Variants in RGS6 observed in about 807,000 individuals in gnomAD.
RGS6 encodes the protein regulator of G protein signaling 6.
A neutral mutation model predicts 78.5 loss-of-function variants in RGS6; 30 were observed. That is an observed-to-expected ratio of 0.38 (90% CI 0.29 to 0.52). The LOEUF (loss-of-function observed/expected upper bound fraction) is 0.52, where lower values mean the gene tolerates loss of function less well. RGS6 is among the 20% of genes least tolerant of loss of function. The pLI is 0.85. For synonymous variants in RGS6, 206 were observed against 206.0 expected (o/e 1.00, Z 0.00); for missense variants, 495 against 609.7 (o/e 0.81, Z 1.98).
chr14:72,582,944 GT>G, the RGS6 span, among the ~76,000 whole-genome samples: 1 of 105,242 alleles, frequency 9.5e-6, no homozygotes, highest in Admixed American at 9.9e-5. Context: ...AGTGGACTGA[GT>G]AAAAAAAAAA....
At position 72,122,752 on chromosome 14, in the gene RGS6, T is replaced by G. The variant is rs76335619; in HGVS notation, c.84+157877T>G. ...GTTCTAAGTTATCGTTTTTTTTTTT[T>G]TTTTCCATTCTATATACTCCCTAAG... is the stretch of plus-strand genomic sequence containing the variant. On this transcript the variant is annotated intron_variant, in intron 2 of 17. Coordinates refer to ENST00000553525, the MANE Select transcript of RGS6 (RefSeq NM_001204424.2). Among the ~76,000 whole-genome samples, 176 of 151,874 alleles carry G rather than the reference T, an allele frequency of 1.2e-3. 3 individuals carry two copies. The East Asian group carries it at 0.031, about 27-fold the overall frequency.
chr14:71,906,175 C>T, the RGS6 span, among the ~76,000 whole-genome samples: 6 of 152,336 alleles, frequency 3.9e-5, no homozygotes, highest in East Asian at 5.8e-4. Flanking sequence ...TGCGTATCCT[C>T]GCAGTAATTG....
chr14:72,409,953 C>T (rs1451398011), intron 3 of RGS6, among the ~76,000 whole-genome samples: 5 of 152,158 alleles, frequency 3.3e-5, no homozygotes, highest in Non-Finnish European at 7.3e-5. Context: ...TTTCTTAATC[C>T]AGTCTATCAT....
intron 2 of RGS6, among the ~76,000 whole-genome samples, chr14:72,010,950 C>T (rs765676658): frequency 1.7e-4 from 26 of 152,182 alleles, no homozygotes; most frequent in Non-Finnish European, 3.7e-4. Context: ...CTTACAAAGC[C>T]AACCATCTCT....
chr14:72,027,808 C>T (rs561327791), intron 2 of RGS6, among the ~76,000 whole-genome samples: 2 of 152,296 alleles, frequency 1.3e-5, no homozygotes, highest in South Asian at 2.1e-4. Flanking sequence ...TTATCCGGAT[C>T]ACCTTTCTTA....
At chr14:72,100,825 C>A (rs574346437) in intron 2 of RGS6, among the ~76,000 whole-genome samples, 1 of 152,314 alleles carries the variant, frequency 6.6e-6, no homozygotes, top group South Asian at 2.1e-4. Context: ...CCACTTAAAT[C>A]ATAGTCTCTG....
chr14:72,324,876 T>C (rs1007483742), intron 2 of RGS6, among the ~76,000 whole-genome samples: 31 of 152,210 alleles, frequency 2.0e-4, no homozygotes, highest in Non-Finnish European at 3.8e-4. Context: ...TATCCAGTAA[T>C]GGGATGGCTG....
intron 2 of RGS6, among the ~76,000 whole-genome samples, chr14:72,017,045 A>G (rs923445031): frequency 1.5e-4 from 22 of 150,852 alleles, no homozygotes; most frequent in South Asian, 6.3e-4. Flanking sequence ...TCTTTCTTTC[A>G]TTTGTTCCTT....
rs773950783 is a variant in RGS6, at chr14:72,084,926, A to G, written c.84+120051A>G. ...GGTGGGAAGCCTTTCTGTGAGGACAATGTGTTTGTGCGTTTGGTGCTTAAG... is the reference window on the plus strand; with the variant it reads ...GGTGGGAAGCCTTTCTGTGAGGACAGTGTGTTTGTGCGTTTGGTGCTTAAG... On this transcript the variant is annotated intron_variant, in intron 2 of 17. Coordinates refer to ENST00000553525, the MANE Select transcript of RGS6 (RefSeq NM_001204424.2). 2.1e-4 allele frequency among the ~76,000 whole-genome samples: 32 copies of G among 152,178 alleles called. 1 individual carries two copies. The highest frequency in any genetic ancestry group is 2.5e-4 in the Non-Finnish European group (17 of 68,038).
At chr14:71,993,589 T>C (rs1001911858) in intron 2 of RGS6, among the ~76,000 whole-genome samples, 7 of 152,224 alleles carry the variant, frequency 4.6e-5, no homozygotes, top group African/African-American at 1.4e-4. Context: ...TGGCTTGCTC[T>C]GGCTTATACA....
chr14:72,038,953 A>G (rs1265582400), intron 2 of RGS6, among the ~76,000 whole-genome samples: 2 of 152,210 alleles, frequency 1.3e-5, no homozygotes, highest in Non-Finnish European at 2.9e-5. Flanking sequence ...GGTGTGAAAT[A>G]GGAATGGAGA....
At chr14:72,332,570 G>A (rs568968994) in intron 2 of RGS6, among the ~76,000 whole-genome samples, 16 of 152,190 alleles carry the variant, frequency 1.1e-4, no homozygotes, top group Non-Finnish European at 1.9e-4. Flanking sequence ...AAACCCATCT[G>A]CCTCATGCCA....
At chr14:71,899,760 C>T in the RGS6 span, among the ~76,000 whole-genome samples, 152 of 152,254 alleles carry the variant, frequency 1.0e-3, no homozygotes, top group African/African-American at 3.2e-3. Context: ...TATTTAGCCC[C>T]GCTATTACCA....
intron 3 of RGS6, among the ~76,000 whole-genome samples, chr14:72,376,889 A>G (rs771255144): frequency 2.6e-5 from 4 of 152,188 alleles, no homozygotes; most frequent in Admixed American, 6.5e-5. Context: ...AGCATGCAGA[A>G]CTATAAAACT....
chr14:72,482,806 A>G (rs1385084762), intron 12 of RGS6, among the ~76,000 whole-genome samples: 5 of 152,256 alleles, frequency 3.3e-5, no homozygotes. Flanking sequence ...AAAACAAGTC[A>G]CTAAGCTGGA....
intron 2 of RGS6, among the ~76,000 whole-genome samples, chr14:72,302,194 C>T (rs917156026): frequency 1.3e-5 from 2 of 152,328 alleles, no homozygotes; most frequent in Admixed American, 1.3e-4. Flanking sequence ...ACAATAGCTG[C>T]TGCCATTTAT....
chr14:72,150,237 C>T (rs2096664084), intron 2 of RGS6, among the ~76,000 whole-genome samples: 2 of 151,998 alleles, frequency 1.3e-5, no homozygotes, highest in South Asian at 4.2e-4. Context: ...CAGAAGCTGA[C>T]CTTGGAGTTA....
chr14:72,627,527 C>T, the RGS6 span, among the ~76,000 whole-genome samples: 4 of 152,042 alleles, frequency 2.6e-5, no homozygotes, highest in Admixed American at 6.5e-5. Context: ...CCTCATGCAT[C>T]AGTGCCACAC....
chr14:72,545,732 C>T (rs909659135), intron 17 of RGS6, among the ~76,000 whole-genome samples: 3 of 152,088 alleles, frequency 2.0e-5, no homozygotes, highest in African/African-American at 7.2e-5. Context: ...GGCAGGAGAA[C>T]TGAGTGCCCC....
Sources: gnomAD v4.1 joint callset for allele counts (sites outside exome capture counted in the v4.1 genomes callset) on GRCh38, gnomAD v4.1.1 for gene constraint, MANE v1.5 for transcripts, NCBI Gene and HGNC (gene_info 2026-07-23, HGNC 2026-07-21) for gene names.